Variants in SLCO1B3 observed in about 807,000 individuals in gnomAD.
SLCO1B3 encodes liver-specific organic anion transporter 2.
Under a neutral mutation model 71.8 loss-of-function variants are expected in SLCO1B3, and 72 were observed. The ratio of observed to expected loss-of-function variants is 1.00; its 90% CI spans 0.83 to 1.22. The LOEUF (loss-of-function observed/expected upper bound fraction) is 1.22. Among genes scored for constraint, SLCO1B3 ranks in the 50% most tolerant of loss-of-function variants. The pLI is 0.00. For missense variants in SLCO1B3, 911 were observed against 819.7 expected (o/e 1.11, Z -1.36); for synonymous variants, 298 against 278.4 (o/e 1.07, Z -0.70).
chr12:20,876,487 CTTT>C (rs927252716), intron 9 of SLCO1B3, among the ~76,000 whole-genome samples: 3 of 152,222 alleles, frequency 2.0e-5, no homozygotes, highest in South Asian at 2.1e-4. Context: ...CTTCACTTAC[CTTT>C]TTTTTTGTTG....
At position 20,916,345 on chromosome 12, in the gene SLCO1B3, C is replaced by G. The variant is rs1866497818; in HGVS notation, c.*98C>G. 1 of 1,116,406 alleles carries G rather than the reference C, an allele frequency of 9.0e-7. No homozygotes were observed. The highest frequency in any genetic ancestry group is 1.6e-5 in the African/African-American group (1 of 63,798). The allele number at this position is 1,116,406 out of a possible 1,614,324, so 69.2% of individuals were successfully genotyped here. On this transcript the variant is annotated 3_prime_UTR_variant, in exon 16 of 16. Coordinates refer to ENST00000381545, the MANE Select transcript of SLCO1B3 (RefSeq NM_019844.4). Reference sequence around the variant, plus strand: ...ACTTACAGTGGACCAATGGATAAGTCTATGCATCTATAATAAACTATAAAA... The same window carrying G: ...ACTTACAGTGGACCAATGGATAAGTGTATGCATCTATAATAAACTATAAAA...
Position 20,906,334 on chromosome 12 carries a change from C to T in SLCO1B3, c.1865+4867C>T, listed in dbSNP as rs144052914. Among the ~76,000 whole-genome samples, 4 of 152,220 alleles carry T rather than the reference C, an allele frequency of 2.6e-5. No individual in the cohort carries two copies. The East Asian group carries it at 7.7e-4, about 29-fold the overall frequency. On this transcript the variant is annotated intron_variant, in intron 15 of 15. Transcript: ENST00000381545. Reference sequence around the variant, plus strand: ...CAACAAAATCAGTAGTTTCTTGGGGCTCAGTGTGGAGAAGGCTGGAATGAG... The same window carrying T: ...CAACAAAATCAGTAGTTTCTTGGGGTTCAGTGTGGAGAAGGCTGGAATGAG...
At chr12:20,904,310 A>G (rs1309143777) in intron 15 of SLCO1B3, among the ~76,000 whole-genome samples, 3 of 152,128 alleles carry the variant, frequency 2.0e-5, no homozygotes, top group Admixed American at 6.5e-5. Context: ...TCTTATTCCA[A>G]ATGGGAGAAA....
chr12:20,815,517 G>A (rs555468830), intron 2 of SLCO1B3, among the ~76,000 whole-genome samples, 157 bp from the exon 3 acceptor site: 1 of 152,074 alleles, frequency 6.6e-6, no homozygotes, highest in East Asian at 1.9e-4. Context: ...TTCCTCCTCT[G>A]TGTCCAGCAT....
At chr12:20,908,451 G>A (rs142264776) in intron 15 of SLCO1B3, among the ~76,000 whole-genome samples, 1,986 of 152,264 alleles carry the variant, frequency 0.013, 31 homozygotes, top group Non-Finnish European at 0.02. Flanking sequence ...GGGTTTGGAT[G>A]AATGTAAAAT....
chr12:20,874,363 G>C (rs1021383908), intron 8 of SLCO1B3, among the ~76,000 whole-genome samples: 2 of 152,066 alleles, frequency 1.3e-5, no homozygotes, highest in African/African-American at 4.8e-5. Flanking sequence ...TATGTATCTG[G>C]TTTTGTACTT....
chr12:20,868,411 T>C (rs901911640), intron 8 of SLCO1B3, among the ~76,000 whole-genome samples: 1 of 152,008 alleles, frequency 6.6e-6, no homozygotes, highest in Non-Finnish European at 1.5e-5. Flanking sequence ...CACAATGTTG[T>C]ACAGCGGATC....
chr12:20,862,565 T>C lies in SLCO1B3; in HGVS notation c.628+7T>C. ...CATTCTTCCTTGTATTTAGGTAACGTACAGAATATATTAAATTTCATGATT... is the reference window on the plus strand; with the variant it reads ...CATTCTTCCTTGTATTTAGGTAACGCACAGAATATATTAAATTTCATGATT... On this transcript the variant is annotated splice_region_variant and intron_variant, in intron 7 of 15. Coordinates refer to ENST00000381545, the MANE Select transcript of SLCO1B3 (RefSeq NM_019844.4). 1 of 1,589,914 alleles carries C rather than the reference T, an allele frequency of 6.3e-7. No homozygotes were observed. Among genetic ancestry groups the C allele is most frequent in the Non-Finnish European group, 8.6e-7 (1 of 1,165,628 alleles).
chr12:20,915,238 T>G (rs148460861), intron 15 of SLCO1B3, among the ~76,000 whole-genome samples: 26 of 152,232 alleles, frequency 1.7e-4, no homozygotes, highest in African/African-American at 5.3e-4. Flanking sequence ...TAGAGATTGT[T>G]TCCTCAGCAG....
At chr12:20,913,979 G>C (rs1469727756) in intron 15 of SLCO1B3, among the ~76,000 whole-genome samples, 1 of 152,078 alleles carries the variant, frequency 6.6e-6, no homozygotes, top group Non-Finnish European at 1.5e-5. Context: ...GCCCAGTCTG[G>C]TCTCAAACTC....
chr12:20,832,640 A>G (rs1034398895), intron 3 of SLCO1B3, among the ~76,000 whole-genome samples: 8 of 152,006 alleles, frequency 5.3e-5, no homozygotes, highest in East Asian at 1.9e-4. Context: ...TTCTCCGGCC[A>G]TGGTGGCCTT....
chr12:20,854,655 C>T (rs1485102126), intron 3 of SLCO1B3, among the ~76,000 whole-genome samples: 1 of 152,210 alleles, frequency 6.6e-6, no homozygotes, highest in Non-Finnish European at 1.5e-5. Context: ...CTCCTGCATG[C>T]ACTGCCATTC....
intron 3 of SLCO1B3, among the ~76,000 whole-genome samples, chr12:20,825,944 AACTT>A (rs1422514874): frequency 5.9e-5 from 9 of 152,120 alleles, no homozygotes; most frequent in Admixed American, 1.3e-4. Context: ...AGCAAATAAA[AACTT>A]AATAAGAATA....
At chr12:20,902,791 G>A (rs532702825) in intron 15 of SLCO1B3, among the ~76,000 whole-genome samples, 105 of 152,022 alleles carry the variant, frequency 6.9e-4, no homozygotes, top group African/African-American at 1.9e-3. Context: ...AAAACAGGCC[G>A]GATGCAGTGG....
At position 20,872,651 on chromosome 12, in the gene SLCO1B3, G is replaced by A. The variant is rs530846645; in HGVS notation, c.728-2584G>A. On this transcript the variant is annotated intron_variant, in intron 8 of 15. Transcript: ENST00000381545. ...CCTGAGGGCTCTTTAGTCAACTGATGATAAATGCTGCCAGGAGTGGGTCCT... is the reference window on the plus strand; with the variant it reads ...CCTGAGGGCTCTTTAGTCAACTGATAATAAATGCTGCCAGGAGTGGGTCCT... Among the ~76,000 whole-genome samples, 4 of 151,998 alleles carry A rather than the reference G, an allele frequency of 2.6e-5. No homozygotes were observed. In the East Asian group the frequency reaches 5.9e-4, roughly 22 times the overall value.
At chr12:20,870,121 C>T (rs994669468) in intron 8 of SLCO1B3, among the ~76,000 whole-genome samples, 4 of 152,036 alleles carry the variant, frequency 2.6e-5, no homozygotes, top group Non-Finnish European at 4.4e-5. Context: ...CTGTTCATTT[C>T]GATACCTTCT....
In SLCO1B3 at chr12:20,813,288, T is replaced by A. The variant is rs1591737110; in HGVS notation, c.-180-236T>A. Among the ~76,000 whole-genome samples, 3 of 152,318 alleles carry A rather than the reference T, an allele frequency of 2.0e-5. 1 individual carries two copies. The South Asian group carries it at 6.2e-4, about 32-fold the overall frequency. ...ATTAATGCATAAAATATGCAGTAGA[T>A]CTTCATTATTCACAGATTCTATATT... On this transcript the variant is annotated intron_variant, in intron 1 of 15. Transcript: ENST00000381545.
intron 3 of SLCO1B3, among the ~76,000 whole-genome samples, chr12:20,851,945 T>G (rs1346225305): frequency 4.6e-5 from 7 of 152,224 alleles, no homozygotes; most frequent in African/African-American, 1.7e-4. Context: ...GTTGGCACCC[T>G]TGTTGAAAAT....
At chr12:20,831,101 G>A (rs1445186142) in intron 3 of SLCO1B3, among the ~76,000 whole-genome samples, 1 of 152,154 alleles carries the variant, frequency 6.6e-6, no homozygotes, top group Non-Finnish European at 1.5e-5. Flanking sequence ...GCTCACACCT[G>A]TAATCCCAGC....
Sources: allele counts gnomAD v4.1 joint callset (sites outside exome capture counted in the v4.1 genomes callset), GRCh38; gene constraint gnomAD v4.1.1; transcripts MANE v1.5; gene names NCBI Gene and HGNC (gene_info 2026-07-23, HGNC 2026-07-21).